Variants in TRPM2 observed in about 807,000 individuals in gnomAD.
TRPM2 encodes transient receptor potential cation channel subfamily M member 2.
In TRPM2, 161 loss-of-function variants were observed where a neutral mutation model predicts 174.0. The observed-to-expected ratio is 0.93, with a 90% CI of 0.81 to 1.05. The LOEUF (loss-of-function observed/expected upper bound fraction) is 1.05, where lower values mean the gene tolerates loss of function less well. Among genes scored for constraint, TRPM2 ranks in the 50% least tolerant of loss-of-function variants. The probability of loss-of-function intolerance (pLI) is 0.00; values close to 1 mark genes in which losing one functional copy is unlikely to be tolerated. For synonymous variants in TRPM2, 954 were observed against 861.3 expected, an observed-to-expected ratio of 1.11 and a Z score of -1.88; for missense variants, 2,057 against 2,038.0, an observed-to-expected ratio of 1.01 and a Z score of -0.18.
At chr21:44,423,463 G>C (rs527425005) in intron 22 of TRPM2, 182 bp from the exon 23 acceptor site, 170 of 593,954 alleles carry the variant, frequency 2.9e-4, no homozygotes, top group African/African-American at 2.8e-3. Context: ...TCCCCTCTGG[G>C]GCCCTGGGCA....
Position 44,435,152 on chromosome 21 carries a change from A to C in TRPM2, c.3996A>C (p.Gly1332=), listed in dbSNP as rs563835092. The change falls in exon 28 of 32, where the codon GGA becomes GGC. Residue 1332 remains glycine (G), a synonymous_variant. Transcript: ENST00000397928. The stretch of plus-strand genomic sequence containing the variant: ...CCAGGAACCCCATGGGCCGCACAGG[A>C]CTGCGTGGGCGCGGGAGCCTCAGCT... ...GLPLNPMGRT[G]LRGRGSLSCF... 6.2e-7 allele frequency: 1 copy of C among 1,613,414 alleles called. No homozygotes were observed. Among genetic ancestry groups the C allele is most frequent in the South Asian group, 1.1e-5 (1 of 91,074 alleles).
intron 26 of TRPM2, 115 bp from the exon 27 acceptor site, chr21:44,426,895 C>T: frequency 7.5e-7 from 1 of 1,337,962 alleles, no homozygotes; most frequent in Non-Finnish European, 1.0e-6. Flanking sequence ...CTGTTGTGTA[C>T]ACCCAGCCTG....
chr21:44,398,002 C>T (rs1352765750), intron 13 of TRPM2, 126 bp downstream of exon 13: 2 of 1,195,840 alleles, frequency 1.7e-6, no homozygotes, highest in East Asian at 5.9e-5. Context: ...GGGCCTCAGC[C>T]CTGCACGCTT....
intron 15 of TRPM2, among the ~76,000 whole-genome samples, chr21:44,400,761 C>G (rs1027434379): frequency 6.6e-6 from 1 of 152,326 alleles, no homozygotes; most frequent in East Asian, 1.9e-4. Context: ...TCCCTGTCCT[C>G]GCAGCCGCAG....
At position 44,391,741 on chromosome 21, in the gene TRPM2, T is replaced by A; in HGVS notation, c.1794+116T>A. Reference sequence around the variant, plus strand: ...TTTTTATTAGAAAAGACACATGCTCTATCTTAGGCTGCTTGGGCTGCTGTA... The same window carrying A: ...TTTTTATTAGAAAAGACACATGCTCAATCTTAGGCTGCTTGGGCTGCTGTA... On this transcript the variant is annotated intron_variant, in intron 11 of 31. Transcript: ENST00000397928. This position sits in a 1 kb window ranked among gnomAD's most constrained non-coding sequence, Gnocchi z 5.0. 1 of 988,654 alleles carries A rather than the reference T, an allele frequency of 1.0e-6. No homozygotes were observed. Among genetic ancestry groups the A allele is most frequent in the Non-Finnish European group, 1.4e-6 (1 of 698,424 alleles). The allele number at this position is 988,654 out of a possible 1,614,324, so 61.2% of individuals were successfully genotyped here. A position where few individuals can be genotyped will look rare whatever the true frequency, so the allele number is the denominator to read the frequency against.
chr21:44,416,810 C>G, intron 20 of TRPM2: 1 of 188,740 alleles, frequency 5.3e-6, no homozygotes, highest in Non-Finnish European at 1.1e-5. Flanking sequence ...GTGGGCATGG[C>G]TCTGCTCTCT....
In TRPM2 at chr21:44,395,428, C is replaced by G. The variant is rs767233061; in HGVS notation, c.1809C>G (p.Ser603Arg). The G allele has an allele frequency of 1.9e-5, 31 of 1,612,688 alleles. No individual in the cohort carries two copies. In the East Asian group the frequency reaches 6.9e-4, roughly 36 times the overall value. Residue 603 changes from serine (S) to arginine (R), a missense_variant, in exon 12 of 32, where the codon AGC (serine) becomes AGG (arginine). Physicochemically the swap from Ser to Arg is moderately radical, Grantham distance 110 (BLOSUM62 -1). Coordinates refer to ENST00000397928, the MANE Select transcript of TRPM2 (RefSeq NM_003307.4). ...PHVKLNVQGV[S>R]LRSLYKRSSG... is the part of the protein sequence containing the mutation. ...CTGCTCACCAGGTGCAGGGAGTGAG[C>G]CTCCGGTCCCTCTACAAGCGTTCCT... is the stretch of plus-strand genomic sequence containing the variant.
At chr21:44,419,757 A>AGTGGTGGTGGTG (rs140387137) in intron 22 of TRPM2, among the ~76,000 whole-genome samples, 2 of 121,628 alleles carry the variant, frequency 1.6e-5, no homozygotes, top group Admixed American at 1.6e-4. Context: ...TGATGATGGC[A>AGTGGTGGTGGTG]GTGGTGGTGG....
chr21:44,403,863 A>T (rs1036445179), intron 16 of TRPM2, among the ~76,000 whole-genome samples: 4 of 151,892 alleles, frequency 2.6e-5, no homozygotes, highest in Non-Finnish European at 4.4e-5. Context: ...CATACACACA[A>T]ATATACACAT....
chr21:44,410,994 C>T (rs942652229), intron 19 of TRPM2, among the ~76,000 whole-genome samples: 20 of 150,476 alleles, frequency 1.3e-4, no homozygotes, highest in Non-Finnish European at 2.5e-4. Context: ...TCTTGGTGAG[C>T]GTAGCCTTGT....
chr21:44,417,742 G>A lies in TRPM2; in HGVS notation c.3147-185G>A, dbSNP rs1179179409. The stretch of plus-strand genomic sequence containing the variant: ...GTGGCATCACAGTGGGCACGTGGGC[G>A]TGGCTCTGCTCTCTGTGACATCACA... On this transcript the variant is annotated intron_variant, in intron 20 of 31. Coordinates refer to ENST00000397928, the MANE Select transcript of TRPM2 (RefSeq NM_003307.4). Among the ~76,000 whole-genome samples, 8 of 148,308 alleles carry A rather than the reference G, an allele frequency of 5.4e-5. No homozygotes were observed. In the East Asian group the frequency reaches 6.1e-4, roughly 11 times the overall value.
At chr21:44,368,316 A>G (rs568346302) in intron 4 of TRPM2, among the ~76,000 whole-genome samples, 48 of 152,100 alleles carry the variant, frequency 3.2e-4, no homozygotes, top group African/African-American at 1.1e-3. Flanking sequence ...TATGTTGTCC[A>G]GGCTGGTCTT....
chr21:44,407,048 T>A (rs1478723252), intron 19 of TRPM2, among the ~76,000 whole-genome samples: 1 of 149,308 alleles, frequency 6.7e-6, no homozygotes. Flanking sequence ...GACAGCCCCC[T>A]GAAATGGAAT....
chr21:44,366,206 G>A lies in TRPM2; in HGVS notation c.424-548G>A, dbSNP rs2048356245. ...AGGCAGAGGAAGCTGGGCCCACTGA[G>A]TCCCCAGGACGGGCCAGGGCACAGG... On this transcript the variant is annotated intron_variant, in intron 3 of 31. Coordinates refer to ENST00000397928, the MANE Select transcript of TRPM2 (RefSeq NM_003307.4). This position sits in a 1 kb window ranked among gnomAD's most constrained non-coding sequence, Gnocchi z 6.0. 6.6e-6 allele frequency among the ~76,000 whole-genome samples: 1 copy of A among 151,936 alleles called. No individual in the cohort carries two copies. The highest frequency in any genetic ancestry group is 1.5e-5 in the Non-Finnish European group (1 of 67,998).
intron 24 of TRPM2, 70 bp from the exon 25 acceptor site, chr21:44,425,600 G>A (rs1434141127): frequency 9.8e-6 from 14 of 1,422,828 alleles, no homozygotes; most frequent in Non-Finnish European, 1.3e-5. Flanking sequence ...CACAGAGGAA[G>A]TCCTTGTCCT....
chr21:44,397,687 G>T lies in TRPM2; in HGVS notation c.1933-60G>T, dbSNP rs917024133. 12 of 1,496,964 alleles carry T rather than the reference G, an allele frequency of 8.0e-6. No individual in the cohort carries two copies. In the South Asian group the frequency reaches 1.1e-4, roughly 14 times the overall value. The allele number at this position is 1,496,964 out of a possible 1,614,324, so 92.7% of individuals were successfully genotyped here. On this transcript the variant is annotated intron_variant, in intron 12 of 31. Coordinates refer to ENST00000397928, the MANE Select transcript of TRPM2 (RefSeq NM_003307.4). ...TTCATCACCTGGGGCAGTGTGTTGG[G>T]TTCCTCAGGCTGGGTTGAGCCTGGC...
At position 44,379,190 on chromosome 21, in the gene TRPM2, C is replaced by A; in HGVS notation, c.1208C>A (p.Thr403Asn). 1.2e-6 allele frequency: 2 copies of A among 1,612,778 alleles called. No homozygotes were observed. Among genetic ancestry groups the A allele is most frequent in the Non-Finnish European group, 1.7e-6 (2 of 1,179,982 alleles). The change falls in exon 8 of 32, where the codon ACC (threonine) becomes AAC (asparagine). Residue 403 changes from threonine to asparagine, a missense_variant. Thr to Asn is a moderately conservative substitution (Grantham distance 65). Coordinates refer to ENST00000397928, the MANE Select transcript of TRPM2 (RefSeq NM_003307.4). ...TFTESRIVEW[T>N]KKIQDIVRRR... ...ACGGAAAGCAGGATTGTCGAGTGGA[C>A]CAAAAAGGTGAGGCTGACGGGCACG...
At chr21:44,369,443 T>TGTGG in intron 5 of TRPM2, 100 bp downstream of exon 5, 1 of 1,366,934 alleles carries the variant, frequency 7.3e-7, no homozygotes, top group Non-Finnish European at 9.6e-7. Context: ...GGGGCCGGGG[T>TGTGG]GTGGGTGACG....
At chr21:44,364,051 T>A in intron 2 of TRPM2, 63 bp from the exon 3 acceptor site, 7 of 1,541,452 alleles carry the variant, frequency 4.5e-6, no homozygotes, top group Non-Finnish European at 5.3e-6. Context: ...CCTCCTCTGA[T>A]GCCTTCACAG....
Sources: allele counts gnomAD v4.1 joint callset (sites outside exome capture counted in the v4.1 genomes callset), GRCh38; gene constraint gnomAD v4.1.1; non-coding constraint Gnocchi (gnomAD v3.1); transcripts MANE v1.5; gene names NCBI Gene and HGNC (gene_info 2026-07-23, HGNC 2026-07-21).